The following GRIA2 variants were observed in gnomAD, a reference collection of about 807,000 sequenced individuals.
The protein encoded by GRIA2 is glutamate receptor 2.
Under a neutral mutation model 97.3 loss-of-function variants are expected in GRIA2, and 14 were observed. The observed-to-expected ratio is 0.14, with a 90% CI of 0.10 to 0.23. The LOEUF (loss-of-function observed/expected upper bound fraction) is 0.23, where lower values mean the gene tolerates loss of function less well. Among genes scored for constraint, GRIA2 ranks in the 10% least tolerant of loss-of-function variants. GRIA2 has a pLI of 1.00. For missense variants in GRIA2, 558 were observed against 1,069.8 expected, an observed-to-expected ratio of 0.52 and a Z score of 6.67; for synonymous variants, 412 against 387.8, an observed-to-expected ratio of 1.06 and a Z score of -0.73.
intron 5 of GRIA2, 85 bp from the exon 6 acceptor site, chr4:157,321,353 C>A: frequency 1.1e-6 from 1 of 914,978 alleles, no homozygotes; most frequent in Non-Finnish European, 1.7e-6. Flanking sequence ...TATCTAAAAC[C>A]ACAATGTATA....
At chr4:157,335,580 G>A in intron 9 of GRIA2, 91 bp from the exon 10 acceptor site, 3 of 759,464 alleles carry the variant, frequency 4.0e-6, no homozygotes, top group South Asian at 3.1e-5. Flanking sequence ...TCTGGCTAAT[G>A]GGTAATAATT....
chr4:157,223,567 T>C (rs1412119007), intron 2 of GRIA2, among the ~76,000 whole-genome samples: 1 of 152,244 alleles, frequency 6.6e-6, no homozygotes, highest in Non-Finnish European at 1.5e-5. Context: ...ATTCATTTGA[T>C]ATCAGTAAGT....
At chr4:157,322,256 T>A (rs1734610322) in intron 6 of GRIA2, among the ~76,000 whole-genome samples, 1 of 147,794 alleles carries the variant, frequency 6.8e-6, no homozygotes, top group African/African-American at 2.4e-5. Context: ...TGTGTGTGTG[T>A]GTGTGTGTGT....
Position 157,248,603 on chromosome 4 carries a change from G to GTATATATACATGTATATATACGTA in GRIA2, c.229+26807_229+26830dup, listed in dbSNP as rs1730862883. ...TATACGTGTATATATGTATATATAT[G>GTATATATACATGTATATATACGTA]TATATATACATGTATATATACGTAT... On this transcript the variant is annotated intron_variant, in intron 2 of 15. Transcript: ENST00000264426. Among the ~76,000 whole-genome samples, 4 of 35,628 alleles carry GTATATATACATGTATATATACGTA rather than the reference G, an allele frequency of 1.1e-4. No individual in the cohort carries two copies. The South Asian group carries it at 2.3e-3, about 21-fold the overall frequency. 23.4% of individuals were successfully genotyped at this position (35,628 alleles called of 152,430 possible).
intron 2 of GRIA2, among the ~76,000 whole-genome samples, chr4:157,259,251 A>G (rs545977086): frequency 1.5e-3 from 226 of 152,116 alleles, no homozygotes; most frequent in African/African-American, 5.2e-3. Context: ...AATAAAGTGA[A>G]GAGGAAGAGA....
Position 157,303,744 on chromosome 4 carries a change from A to G in GRIA2, c.422A>G (p.Glu141Gly). The G allele has an allele frequency of 6.2e-7, 1 of 1,613,442 alleles. No individual in the cohort carries two copies. The highest frequency in any genetic ancestry group is 8.5e-7 in the Non-Finnish European group (1 of 1,179,386). The change falls in exon 3 of 16, where the codon GAA becomes GGA. Residue 141 changes from glutamate (E) to glycine (G), a missense_variant. By Grantham distance (98) the Glu-to-Gly change is moderately conservative. Transcript: ENST00000264426. The stretch of plus-strand genomic sequence containing the variant: ...AAAGGAGCTCTCCTTAGCTTGATTG[A>G]ATACTATCAATGGGACAAGTTTGCA... ...DLKGALLSLI[E>G]YYQWDKFAYL...
At chr4:157,288,920 G>A (rs1044264522) in intron 2 of GRIA2, among the ~76,000 whole-genome samples, 3 of 151,750 alleles carry the variant, frequency 2.0e-5, no homozygotes, top group East Asian at 3.9e-4. Context: ...AACATTGAGC[G>A]GAAACAGAAG....
intron 2 of GRIA2, among the ~76,000 whole-genome samples, chr4:157,245,872 A>G (rs559210234): frequency 6.6e-6 from 1 of 152,226 alleles, no homozygotes; most frequent in African/African-American, 2.4e-5. Context: ...AACTTCGTAT[A>G]CTTAACAGCA....
intron 2 of GRIA2, among the ~76,000 whole-genome samples, chr4:157,264,357 C>G (rs868109309): frequency 6.6e-6 from 1 of 152,050 alleles, no homozygotes; most frequent in Non-Finnish European, 1.5e-5. Flanking sequence ...TTCTAGGGGT[C>G]ACTTGCATGC....
chr4:157,222,734 A>G (rs6536221), intron 2 of GRIA2, among the ~76,000 whole-genome samples: 22,225 of 151,966 alleles, frequency 0.15, 1,755 homozygotes, highest in African/African-American at 0.21. Context: ...CTCCATATTA[A>G]CCCTCTCACT....
chr4:157,321,868 G>A (rs534916151), intron 6 of GRIA2, among the ~76,000 whole-genome samples: 1 of 151,782 alleles, frequency 6.6e-6, no homozygotes, highest in East Asian at 1.9e-4. Flanking sequence ...AATCCATTTG[G>A]CATTTTTATT....
At chr4:157,274,767 T>C (rs1459484419) in intron 2 of GRIA2, among the ~76,000 whole-genome samples, 3 of 151,838 alleles carry the variant, frequency 2.0e-5, no homozygotes, top group Non-Finnish European at 4.4e-5. Context: ...CAGTCTATCA[T>C]TGTTGGACAT....
chr4:157,233,210 A>G (rs997721764), intron 2 of GRIA2, among the ~76,000 whole-genome samples: 1 of 152,174 alleles, frequency 6.6e-6, no homozygotes, highest in Non-Finnish European at 1.5e-5. Flanking sequence ...CACATAAGTC[A>G]CTGAAAGATA....
chr4:157,296,544 C>T (rs1190083385), intron 2 of GRIA2, among the ~76,000 whole-genome samples: 1 of 151,990 alleles, frequency 6.6e-6, no homozygotes, highest in African/African-American at 2.4e-5. Flanking sequence ...CAGTACATCT[C>T]TATATATTAT....
intron 12 of GRIA2, among the ~76,000 whole-genome samples, chr4:157,352,070 C>A (rs774914117): frequency 6.6e-6 from 1 of 152,098 alleles, no homozygotes; most frequent in East Asian, 1.9e-4. Flanking sequence ...TAAAATGCTG[C>A]GACAGCCTCT....
intron 2 of GRIA2, among the ~76,000 whole-genome samples, chr4:157,285,043 C>T (rs1179117293): frequency 6.6e-6 from 1 of 151,658 alleles, no homozygotes; most frequent in Non-Finnish European, 1.5e-5. Flanking sequence ...TATCTACTGT[C>T]AGTATATGAC....
At chr4:157,349,392 T>A (rs1480583425) in intron 12 of GRIA2, among the ~76,000 whole-genome samples, 1 of 152,010 alleles carries the variant, frequency 6.6e-6, no homozygotes, top group Non-Finnish European at 1.5e-5. Context: ...TTTTTTTTCA[T>A]AGTCAAATTT....
At chr4:157,276,530 G>T (rs1489230855) in intron 2 of GRIA2, among the ~76,000 whole-genome samples, 1 of 151,830 alleles carries the variant, frequency 6.6e-6, no homozygotes, top group Middle Eastern at 3.4e-3. Context: ...AATAAAAAAT[G>T]GAGCAGAAAG....
At chr4:157,348,383 T>G (rs1411374148) in intron 12 of GRIA2, among the ~76,000 whole-genome samples, 1 of 151,942 alleles carries the variant, frequency 6.6e-6, no homozygotes, top group Non-Finnish European at 1.5e-5. Context: ...GGACCACAAG[T>G]GTTCACCACC....
Sources: allele counts gnomAD v4.1 joint callset (sites outside exome capture counted in the v4.1 genomes callset), GRCh38; gene constraint gnomAD v4.1.1; transcripts MANE v1.5; gene names NCBI Gene and HGNC (gene_info 2026-07-23, HGNC 2026-07-21).